Variants in TMEM236 observed in about 807,000 individuals in gnomAD.
TMEM236 encodes the protein family with sequence similarity 23, member A.
Under a neutral mutation model 14.7 loss-of-function variants are expected in TMEM236, and 11 were observed. The ratio of observed to expected loss-of-function variants is 0.75; its 90% CI spans 0.47 to 1.24. TMEM236 has a LOEUF of 1.24. TMEM236 is among the 50% of genes most tolerant of loss of function. The pLI is 0.00. For synonymous variants in TMEM236, 182 were observed against 168.6 expected (o/e 1.08, Z -0.62); for missense variants, 464 against 427.3 (o/e 1.09, Z -0.76).
intron 1 of TMEM236, among the ~76,000 whole-genome samples, chr10:17,761,416 G>C (rs1358013155): frequency 6.6e-6 from 1 of 152,128 alleles, no homozygotes; most frequent in East Asian, 1.9e-4. Context: ...TTCTGGGCCA[G>C]GCGTGCTGGT....
Position 17,798,732 on chromosome 10 carries a change from G to A in TMEM236, c.*2228G>A, listed in dbSNP as rs1234975820. ...GGTTCTATAACCTCTGTGGGTCCCC[G>A]TTTCCACATGTAAAAGATGAACATA... On this transcript the variant is annotated 3_prime_UTR_variant, in exon 4 of 4. Coordinates refer to ENST00000377495, the MANE Select transcript of TMEM236 (RefSeq NM_001098844.3). 26 of 532,230 alleles carry A rather than the reference G, an allele frequency of 4.9e-5. No homozygotes were observed. The highest frequency in any genetic ancestry group is 7.3e-5 in the Non-Finnish European group (19 of 258,928). The allele number at this position is 532,230 out of a possible 1,614,324, so 33.0% of individuals were successfully genotyped here. A position where few individuals can be genotyped will look rare whatever the true frequency, so the allele number is the denominator to read the frequency against.
At chr10:17,766,695 A>G (rs1837470637) in intron 1 of TMEM236, among the ~76,000 whole-genome samples, 1 of 152,254 alleles carries the variant, frequency 6.6e-6, no homozygotes, top group Non-Finnish European at 1.5e-5. Flanking sequence ...TAAGTTTCCT[A>G]GAAATGCGAC....
intron 1 of TMEM236, among the ~76,000 whole-genome samples, chr10:17,765,498 C>T (rs1489036348): frequency 6.6e-6 from 1 of 152,140 alleles, no homozygotes; most frequent in Non-Finnish European, 1.5e-5. Flanking sequence ...GATATGATTC[C>T]TCCTGGGTCA....
intron 3 of TMEM236, among the ~76,000 whole-genome samples, chr10:17,783,263 G>T (rs3915622): frequency 0.54 from 82,221 of 151,958 alleles, 23,076 homozygotes; most frequent in East Asian, 0.81. Context: ...TGGTTACACA[G>T]GCTGGGAATG....
intron 1 of TMEM236, among the ~76,000 whole-genome samples, chr10:17,761,272 A>C (rs1364747941): frequency 6.6e-6 from 1 of 152,210 alleles, no homozygotes; most frequent in Admixed American, 6.5e-5. Flanking sequence ...GGAAAAATGA[A>C]GACCATTTCA....
intron 2 of TMEM236, among the ~76,000 whole-genome samples, chr10:17,774,190 A>T (rs1837621319): frequency 1.3e-5 from 2 of 152,034 alleles, no homozygotes; most frequent in Non-Finnish European, 2.9e-5. Flanking sequence ...GACGACAGGC[A>T]TGTGCCACCA....
chr10:17,769,057 C>T (rs1275342090), intron 1 of TMEM236, among the ~76,000 whole-genome samples: 1 of 152,130 alleles, frequency 6.6e-6, no homozygotes, highest in Non-Finnish European at 1.5e-5. Flanking sequence ...TACCCATTAA[C>T]CAATAACCCC....
rs533092960 is a variant in TMEM236 at position 17,770,330 on chromosome 10, G to T, written c.258-979G>T. On this transcript the variant is annotated intron_variant, in intron 1 of 3. Transcript: ENST00000377495. ...AACCTTTGAGCAGGTATCTTTTCTT[G>T]TCCCATAAATTAAGGATGCTAAACA... 8.7e-4 allele frequency among the ~76,000 whole-genome samples: 133 copies of T among 152,154 alleles called. 4 individuals are homozygous for T. In the South Asian group the frequency reaches 0.026, roughly 30 times the overall value.
Position 17,796,780 on chromosome 10 carries a change from C to T in TMEM236, c.*276C>T, listed in dbSNP as rs1348347283. 1.6e-5 allele frequency: 7 copies of T among 428,458 alleles called. No individual in the cohort carries two copies. Among genetic ancestry groups the T allele is most frequent in the Non-Finnish European group, 3.0e-5 (7 of 234,696 alleles). The allele number at this position is 428,458 out of a possible 1,614,324, so 26.5% of individuals were successfully genotyped here. On this transcript the variant is annotated 3_prime_UTR_variant, in exon 4 of 4. Coordinates refer to ENST00000377495, the MANE Select transcript of TMEM236 (RefSeq NM_001098844.3). ...AGTTAGTTATGTATACTGAGGTCCC[C>T]AACCCCTGGACCATGGTCCCAGTAC...
chr10:17,772,091 A>T (rs1199959380), intron 2 of TMEM236, among the ~76,000 whole-genome samples: 2 of 152,240 alleles, frequency 1.3e-5, no homozygotes, highest in African/African-American at 4.8e-5. Context: ...TATATATTAC[A>T]GGCCAGGCAC....
rs1345485708 is a variant in TMEM236 at position 17,762,598 on chromosome 10, TATATATATATATATATATATAC to T, written c.258-8709_258-8688del. Among the ~76,000 whole-genome samples, 145 of 76,364 alleles carry T rather than the reference TATATATATATATATATATATAC, an allele frequency of 1.9e-3. 3 individuals carry two copies. In the East Asian group the frequency reaches 0.03, roughly 16 times the overall value. The allele number at this position is 76,364 out of a possible 152,430, so 50.1% of individuals were successfully genotyped here. On this transcript the variant is annotated intron_variant, in intron 1 of 3. Coordinates refer to ENST00000377495, the MANE Select transcript of TMEM236 (RefSeq NM_001098844.3). ...TCATATATATATATATATATATATATATATATATATATATATATATACACACATACATATATATATATATTTA... is the reference window on the plus strand; with the variant it reads ...TCATATATATATATATATATATATATACACATACATATATATATATATTTA...
chr10:17,763,143 A>C (rs1554834134), intron 1 of TMEM236, among the ~76,000 whole-genome samples: 1 of 152,142 alleles, frequency 6.6e-6, no homozygotes, highest in Non-Finnish European at 1.5e-5. Context: ...TATGTGACCC[A>C]CCACTAGTCC....
At chr10:17,764,540 A>C (rs1250950608) in intron 1 of TMEM236, among the ~76,000 whole-genome samples, 2 of 152,230 alleles carry the variant, frequency 1.3e-5, no homozygotes, top group African/African-American at 4.8e-5. Flanking sequence ...GCTATAACAA[A>C]GTATCACAAA....
chr10:17,765,696 T>C (rs1036981564), intron 1 of TMEM236, among the ~76,000 whole-genome samples: 1 of 152,202 alleles, frequency 6.6e-6, no homozygotes, highest in Non-Finnish European at 1.5e-5. Flanking sequence ...GGTTTAAAAA[T>C]AATCCTCTGT....
intron 3 of TMEM236, among the ~76,000 whole-genome samples, chr10:17,780,751 A>G (rs1177412033): frequency 6.6e-6 from 1 of 152,192 alleles, no homozygotes; most frequent in Non-Finnish European, 1.5e-5. Context: ...ACATGGACAC[A>G]CACAAGGAGT....
intron 3 of TMEM236, among the ~76,000 whole-genome samples, chr10:17,780,265 A>G (rs1837725329): frequency 6.6e-6 from 1 of 152,046 alleles, no homozygotes; most frequent in South Asian, 2.1e-4. Flanking sequence ...ATATTGCCTG[A>G]ACCTCAATCC....
chr10:17,770,461 G>A (rs936072456), intron 1 of TMEM236, among the ~76,000 whole-genome samples: 2 of 152,118 alleles, frequency 1.3e-5, no homozygotes, highest in Non-Finnish European at 2.9e-5. Flanking sequence ...TTGGCTCACT[G>A]CAAGCTCTGC....
At chr10:17,757,780 G>GT (rs1837304390) in intron 1 of TMEM236, among the ~76,000 whole-genome samples, 1 of 151,982 alleles carries the variant, frequency 6.6e-6, no homozygotes, top group South Asian at 2.1e-4. Context: ...TTTGTTTTGT[G>GT]TTTTTTGAGA....
chr10:17,760,677 G>A (rs989074647), intron 1 of TMEM236, among the ~76,000 whole-genome samples: 3 of 152,250 alleles, frequency 2.0e-5, no homozygotes, highest in Non-Finnish European at 4.4e-5. Context: ...TGGTAATAAA[G>A]ACATACCTGA....
Sources: gnomAD v4.1 joint callset for allele counts (sites outside exome capture counted in the v4.1 genomes callset) on GRCh38, gnomAD v4.1.1 for gene constraint, MANE v1.5 for transcripts, NCBI Gene and HGNC (gene_info 2026-07-23, HGNC 2026-07-21) for gene names.